TARS3: variants seen among roughly 807,000 people sequenced by gnomAD.
The protein encoded by TARS3 is threonine--tRNA ligase 2, cytoplasmic.
Under a neutral mutation model 103.5 loss-of-function variants are expected in TARS3, and 94 were observed. The ratio of observed to expected loss-of-function variants is 0.91; its 90% CI spans 0.77 to 1.08. The LOEUF is 1.08. Among genes scored for constraint, TARS3 ranks in the 50% least tolerant of loss-of-function variants. The probability of loss-of-function intolerance (pLI) is 0.00; values close to 1 mark genes in which losing one functional copy is unlikely to be tolerated. For missense variants in TARS3, 952 were observed against 995.2 expected (o/e 0.96, Z 0.58); for synonymous variants, 416 against 355.4 (o/e 1.17, Z -1.92).
rs759637598 is a variant in TARS3, at chr15:101,708,847, C to T, written c.876G>A (p.Lys292=). 2.9e-5 allele frequency: 46 copies of T among 1,613,350 alleles called. No individual in the cohort carries two copies. The highest frequency in any genetic ancestry group is 3.6e-5 in the Non-Finnish European group (42 of 1,179,820). Residue 292 remains lysine, a synonymous_variant, in exon 6 of 19, where the codon AAG becomes AAA. Coordinates refer to ENST00000335968, the MANE Select transcript of TARS3 (RefSeq NM_152334.3). ...TGACTTCTAGTCTTTCAAAAGGTTGCTTTTCTTTTATGATGGCTTTACATA... is the reference window on the plus strand; with the variant it reads ...TGACTTCTAGTCTTTCAAAAGGTTGTTTTTCTTTTATGATGGCTTTACATA... The part of the protein sequence containing the change: ...ENICKAIIKE[K]QPFERLEVSK...
intron 13 of TARS3, 108 bp downstream of exon 13, chr15:101,675,492 G>C: frequency 1.8e-6 from 2 of 1,112,708 alleles, no homozygotes; most frequent in Non-Finnish European, 2.6e-6. Context: ...TAATTTCCAG[G>C]TTCAAAATTT....
At chr15:101,702,492 C>A in intron 8 of TARS3, 107 bp from the exon 9 acceptor site, 1 of 941,318 alleles carries the variant, frequency 1.1e-6, no homozygotes, top group Non-Finnish European at 1.7e-6. Flanking sequence ...CAAAGCAGCC[C>A]TGCATGGTGG....
At chr15:101,712,067 T>C (rs984758048) in intron 4 of TARS3, 66 bp from the exon 5 acceptor site, 2 of 1,531,748 alleles carry the variant, frequency 1.3e-6, no homozygotes, top group African/African-American at 1.4e-5. Context: ...AGTAGTAAAA[T>C]GATGTAAACC....
intron 10 of TARS3, among the ~76,000 whole-genome samples, chr15:101,690,221 C>T (rs1378050729): frequency 6.6e-6 from 1 of 152,190 alleles, no homozygotes; most frequent in Non-Finnish European, 1.5e-5. Context: ...GCCCATTTTC[C>T]TTCCTTCTCT....
intron 5 of TARS3, among the ~76,000 whole-genome samples, chr15:101,709,147 C>T (rs942926560): frequency 2.0e-5 from 3 of 152,210 alleles, no homozygotes; most frequent in Admixed American, 6.5e-5. Context: ...GAAGGAAGCC[C>T]TGCTAGGAGA....
chr15:101,705,064 C>T (rs1210839762), intron 7 of TARS3, among the ~76,000 whole-genome samples: 1 of 151,934 alleles, frequency 6.6e-6, no homozygotes, highest in Non-Finnish European at 1.5e-5. Context: ...CCGGAACACA[C>T]GGAAAGGGGA....
At chr15:101,662,504 C>CA (rs970183779) in intron 15 of TARS3, among the ~76,000 whole-genome samples, 14 of 151,992 alleles carry the variant, frequency 9.2e-5, no homozygotes, top group Admixed American at 2.6e-4. Context: ...ATAAAACAAA[C>CA]AAAAACAGAG....
rs769245541 is a variant in TARS3, at chr15:101,724,250, C to T, written c.138G>A (p.Glu46=). ...CCACCTCCCGCGTGAGGCACGGCCCCTCCGCCTGGCAGCTGTAGGGCGCGT... is the reference window on the plus strand; with the variant it reads ...CCACCTCCCGCGTGAGGCACGGCCCTTCCGCCTGGCAGCTGTAGGGCGCGT... ...QLNAPYSCQA[E]GPCLTREVAQ... Residue 46 remains glutamate (E), a synonymous_variant, in exon 1 of 19, where the codon GAG becomes GAA. Transcript: ENST00000335968. 4 of 1,559,142 alleles carry T rather than the reference C, an allele frequency of 2.6e-6. No individual in the cohort carries two copies. Among genetic ancestry groups the T allele is most frequent in the East Asian group, 2.4e-5 (1 of 41,224 alleles).
At position 101,714,869 on chromosome 15, in the gene TARS3, G is replaced by C; in HGVS notation, c.661C>G (p.Leu221Val). ...PLEGDSSLELLTFDNEEAQAV... is the reference protein window; with the variant it reads ...PLEGDSSLELVTFDNEEAQAV... Reference sequence around the variant, plus strand: ...TGAGCTTCCTCATTATCAAATGTAAGCAGCTCTAGAGAAGAGTCCCCTTCC... The same window carrying C: ...TGAGCTTCCTCATTATCAAATGTAACCAGCTCTAGAGAAGAGTCCCCTTCC... Residue 221 changes from leucine (L) to valine (V), a missense_variant, in exon 4 of 19, where the codon CTT (leucine) becomes GTT (valine). Physicochemically the swap from Leu to Val is conservative, Grantham distance 32. Transcript: ENST00000335968. The C allele has an allele frequency of 6.2e-7, 1 of 1,610,730 alleles. No homozygotes were observed. The highest frequency in any genetic ancestry group is 2.2e-5 in the East Asian group (1 of 44,772).
At chr15:101,721,986 T>C (rs984212022) in intron 2 of TARS3, among the ~76,000 whole-genome samples, 2 of 152,252 alleles carry the variant, frequency 1.3e-5, no homozygotes, top group Non-Finnish European at 2.9e-5. Flanking sequence ...CTAAGTGTTC[T>C]GAGCACTTTT....
At chr15:101,713,169 A>C (rs970718037) in intron 4 of TARS3, among the ~76,000 whole-genome samples, 6 of 152,266 alleles carry the variant, frequency 3.9e-5, no homozygotes, top group African/African-American at 1.4e-4. Flanking sequence ...CATAATTCTA[A>C]GATGAGAAGG....
rs946047189 is a variant in TARS3 at position 101,668,416 on chromosome 15, G to A, written c.1967+3070C>T. ...ACGACATTTATCGGTAAAGTTCATC[G>A]TTTTAAATGGGTATAGTTCATGGTG... On this transcript the variant is annotated intron_variant, in intron 15 of 18. Coordinates refer to ENST00000335968, the MANE Select transcript of TARS3 (RefSeq NM_152334.3). 7.9e-5 allele frequency among the ~76,000 whole-genome samples: 12 copies of A among 152,104 alleles called. No homozygotes were observed. The South Asian group carries it at 1.9e-3, about 24-fold the overall frequency.
intron 15 of TARS3, among the ~76,000 whole-genome samples, chr15:101,669,822 A>G (rs1897727336): frequency 6.6e-6 from 1 of 152,252 alleles, no homozygotes; most frequent in Non-Finnish European, 1.5e-5. Flanking sequence ...ACAGTGAACA[A>G]AGGGATAATC....
At chr15:101,669,125 G>C (rs1897698999) in intron 15 of TARS3, among the ~76,000 whole-genome samples, 3 of 152,196 alleles carry the variant, frequency 2.0e-5, no homozygotes, top group Admixed American at 2.0e-4. Flanking sequence ...ACAAGATATG[G>C]AGGTGGAAGA....
chr15:101,710,107 T>C (rs1165120222), intron 5 of TARS3, among the ~76,000 whole-genome samples: 1 of 152,222 alleles, frequency 6.6e-6, no homozygotes, highest in Non-Finnish European at 1.5e-5. Context: ...ATTTAATCAA[T>C]TGTGCCTCTA....
intron 12 of TARS3, 124 bp downstream of exon 12, chr15:101,683,951 C>T (rs1046891451): frequency 1.2e-6 from 1 of 863,610 alleles, no homozygotes; most frequent in South Asian, 3.0e-5. Flanking sequence ...CAGGTTAGAG[C>T]TGAATGAATC....
chr15:101,718,793 T>G (rs778906211), intron 3 of TARS3, among the ~76,000 whole-genome samples: 1 of 152,234 alleles, frequency 6.6e-6, no homozygotes, highest in Admixed American at 6.5e-5. Flanking sequence ...ATTACTTTCA[T>G]GTGGAACGGA....
rs3833001 is a variant in TARS3 at position 101,654,196 on chromosome 15, CAT to C, written c.*384_*385del. 2,623 of 163,820 alleles carry C rather than the reference CAT, an allele frequency of 0.016. 49 individuals are homozygous for C. The highest frequency in any genetic ancestry group is 0.078 in the South Asian group (417 of 5,378). 10.1% of individuals were successfully genotyped at this position (163,820 alleles called of 1,614,324 possible). A position where few individuals can be genotyped will look rare whatever the true frequency, so the allele number is the denominator to read the frequency against. On this transcript the variant is annotated 3_prime_UTR_variant, in exon 19 of 19. Transcript: ENST00000335968. ...GTAGAAGTCATAAAAATACCTGAGA[CAT>C]ATTAGAAAATAAGATTTTCCCTCCT...
chr15:101,721,098 T>C (rs1266989512), intron 3 of TARS3, 28 bp downstream of exon 3: 1 of 1,565,392 alleles, frequency 6.4e-7, no homozygotes, highest in East Asian at 2.3e-5. Context: ...TACTTAAGAT[T>C]GAATATCTTT....
Sources: allele counts gnomAD v4.1 joint callset (sites outside exome capture counted in the v4.1 genomes callset), GRCh38; gene constraint gnomAD v4.1.1; transcripts MANE v1.5; gene names NCBI Gene and HGNC (gene_info 2026-07-23, HGNC 2026-07-21).